R3HDM1: variants seen among roughly 807,000 people sequenced by gnomAD.
R3HDM1 encodes the protein R3H domain containing 1.
R3HDM1 carries 46 observed loss-of-function variants against 141.1 expected under a neutral mutation model. The observed-to-expected ratio is 0.33, with a 90% CI of 0.26 to 0.42. R3HDM1 has a LOEUF of 0.42. Ranked by LOEUF, R3HDM1 falls within the 10% of genes least tolerant of loss-of-function variation. The pLI is 1.00. For missense variants in R3HDM1, 1,184 were observed against 1,368.3 expected, an observed-to-expected ratio of 0.87 and a Z score of 2.12; for synonymous variants, 435 against 472.9, an observed-to-expected ratio of 0.92 and a Z score of 1.04.
intron 1 of R3HDM1, among the ~76,000 whole-genome samples, chr2:135,548,693 G>A (rs1455526548): frequency 6.6e-6 from 1 of 151,736 alleles, no homozygotes; most frequent in Non-Finnish European, 1.5e-5. Flanking sequence ...ACTCTGTGTA[G>A]GGCTTCTTCC....
intron 14 of R3HDM1, among the ~76,000 whole-genome samples, chr2:135,639,382 C>G (rs1350437310): frequency 6.6e-6 from 1 of 152,138 alleles, no homozygotes; most frequent in African/African-American, 2.4e-5. Flanking sequence ...TAGGTAGGTT[C>G]AATGAAACAT....
At chr2:135,535,424 A>G (rs759392178) in intron 1 of R3HDM1, among the ~76,000 whole-genome samples, 1 of 151,986 alleles carries the variant, frequency 6.6e-6, no homozygotes, top group African/African-American at 2.4e-5. Flanking sequence ...ACTTGAACTC[A>G]GGAGGTGGAG....
intron 11 of R3HDM1, 92 bp from the exon 12 acceptor site, chr2:135,638,526 A>G: frequency 7.8e-7 from 1 of 1,283,288 alleles, no homozygotes; most frequent in Non-Finnish European, 1.1e-6. Context: ...TTACATTATT[A>G]CACATGATTT....
intron 1 of R3HDM1, among the ~76,000 whole-genome samples, chr2:135,593,807 A>G (rs1315491154): frequency 6.6e-6 from 1 of 151,938 alleles, no homozygotes; most frequent in African/African-American, 2.4e-5. Flanking sequence ...TGCAGTCTCC[A>G]CCTCCCAGGT....
At chr2:135,559,090 T>TGTGTGC (rs1553526524) in intron 1 of R3HDM1, 2 of 890,952 alleles carry the variant, frequency 2.2e-6, no homozygotes, top group Non-Finnish European at 2.7e-6. Context: ...TGTGTGTGTG[T>TGTGTGC]GTGCATGCGT....
chr2:135,691,759 C>T (rs1015112822), intron 21 of R3HDM1, among the ~76,000 whole-genome samples: 2 of 151,232 alleles, frequency 1.3e-5, no homozygotes, highest in African/African-American at 4.9e-5. Flanking sequence ...TGCCACTGCA[C>T]TCCAGCCTGG....
chr2:135,605,126 TCG>T, intron 3 of R3HDM1, 110 bp downstream of exon 3: 1 of 941,828 alleles, frequency 1.1e-6, no homozygotes. Flanking sequence ...AGTTGACCCT[TCG>T]TGACATGCTT....
intron 19 of R3HDM1, among the ~76,000 whole-genome samples, chr2:135,662,367 A>T (rs1454460835): frequency 6.6e-6 from 1 of 152,224 alleles, no homozygotes; most frequent in African/African-American, 2.4e-5. Context: ...GATGAATAGT[A>T]GTCATACTTC....
At chr2:135,669,133 G>T in intron 19 of R3HDM1, 5 of 983,408 alleles carry the variant, frequency 5.1e-6, no homozygotes, top group Non-Finnish European at 6.0e-6. Flanking sequence ...CAATTTATGC[G>T]TATAATCTAA....
chr2:135,585,583 C>G (rs964800773), intron 1 of R3HDM1, among the ~76,000 whole-genome samples: 2 of 152,222 alleles, frequency 1.3e-5, no homozygotes, highest in African/African-American at 2.4e-5. Flanking sequence ...ACATACTCAT[C>G]TGGTTTAGTG....
At position 135,602,496 on chromosome 2, in the gene R3HDM1, T is replaced by TTAGGCCACGGA; in HGVS notation, c.-249-3_-242dup. The TTAGGCCACGGA allele has an allele frequency of 7.9e-7, 1 of 1,269,200 alleles. No homozygotes were observed. The highest frequency in any genetic ancestry group is 1.0e-6 in the Non-Finnish European group (1 of 999,220). 78.6% of individuals were successfully genotyped at this position (1,269,200 alleles called of 1,614,324 possible). A position where few individuals can be genotyped will look rare whatever the true frequency, so the allele number is the denominator to read the frequency against. On this transcript the variant is annotated splice_polypyrimidine_tract_variant and splice_region_variant and intron_variant, in intron 1 of 26. Coordinates refer to ENST00000683871, the MANE Select transcript of R3HDM1 (RefSeq NM_001378107.1). ...TAAAATGGTTTCTTTTGTTTTCATT[T>TTAGGCCACGGA]TAGGCCACGGAAAGGTATGATATAT...
At chr2:135,711,261 G>C (rs529076308) in intron 23 of R3HDM1, among the ~76,000 whole-genome samples, 2 of 152,340 alleles carry the variant, frequency 1.3e-5, no homozygotes, top group African/African-American at 4.8e-5. Context: ...CCTGTTACTT[G>C]AATAGATGGC....
intron 21 of R3HDM1, among the ~76,000 whole-genome samples, 168 bp downstream of exon 21, chr2:135,680,492 A>G (rs1208693674): frequency 1.3e-5 from 2 of 152,210 alleles, no homozygotes; most frequent in African/African-American, 4.8e-5. Flanking sequence ...TCTTTCGGCT[A>G]GGTACGGTGG....
At chr2:135,684,331 C>T (rs1312499474) in intron 21 of R3HDM1, among the ~76,000 whole-genome samples, 1 of 152,096 alleles carries the variant, frequency 6.6e-6, no homozygotes, top group Non-Finnish European at 1.5e-5. Flanking sequence ...CCTCGTGATC[C>T]GCCCACCGTG....
intron 11 of R3HDM1, among the ~76,000 whole-genome samples, chr2:135,636,577 A>G (rs1253854516): frequency 6.6e-6 from 1 of 152,150 alleles, no homozygotes; most frequent in Non-Finnish European, 1.5e-5. Flanking sequence ...TTGACAAATA[A>G]TTTATTTCTT....
At position 135,572,015 on chromosome 2, in the gene R3HDM1, G is replaced by C. The variant is rs1270816125; in HGVS notation, c.-249-30485G>C. ...CACCACGTCATCCAGGAGTGCAGTGGTGCCATCTCGGCTCACTGCAACCTC... is the reference window on the plus strand; with the variant it reads ...CACCACGTCATCCAGGAGTGCAGTGCTGCCATCTCGGCTCACTGCAACCTC... On this transcript the variant is annotated intron_variant, in intron 1 of 26. Coordinates refer to ENST00000683871, the MANE Select transcript of R3HDM1 (RefSeq NM_001378107.1). Among the ~76,000 whole-genome samples the C allele has an allele frequency of 2.0e-5, 3 of 152,120 alleles. No homozygotes were observed. In the East Asian group the frequency reaches 5.8e-4, roughly 29 times the overall value.
chr2:135,675,325 A>C lies in R3HDM1; in HGVS notation c.2153-7A>C, dbSNP rs774081274. ...AGAGCAGGATTTAACTCATTGTACCATTACAGGTTATCAAGTTATACCCAA... is the reference window on the plus strand; with the variant it reads ...AGAGCAGGATTTAACTCATTGTACCCTTACAGGTTATCAAGTTATACCCAA... On this transcript the variant is annotated splice_region_variant and splice_polypyrimidine_tract_variant and intron_variant, in intron 19 of 26. Coordinates refer to ENST00000683871, the MANE Select transcript of R3HDM1 (RefSeq NM_001378107.1). The C allele has an allele frequency of 6.2e-6, 10 of 1,612,870 alleles. No individual in the cohort carries two copies. Among genetic ancestry groups the C allele is most frequent in the Middle Eastern group, 3.3e-4 (2 of 6,074 alleles).
At chr2:135,698,229 G>A (rs776350869) in intron 21 of R3HDM1, among the ~76,000 whole-genome samples, 2 of 149,520 alleles carry the variant, frequency 1.3e-5, no homozygotes, top group Non-Finnish European at 3.0e-5. Context: ...GTGCGATGTC[G>A]GCTCAGTACA....
At chr2:135,710,323 C>A in intron 23 of R3HDM1, 92 bp downstream of exon 23, 2 of 1,357,510 alleles carry the variant, frequency 1.5e-6, no homozygotes, top group East Asian at 2.4e-5. Flanking sequence ...TCCCGTCAGC[C>A]AGATTAATAA....
Sources: allele counts gnomAD v4.1 joint callset (sites outside exome capture counted in the v4.1 genomes callset), GRCh38; gene constraint gnomAD v4.1.1; transcripts MANE v1.5; gene names NCBI Gene and HGNC (gene_info 2026-07-23, HGNC 2026-07-21).